The following EPB41L5 variants were observed in gnomAD, a reference collection of about 807,000 sequenced individuals.
EPB41L5 encodes erythrocyte membrane protein band 4.1 like 5, also known as band 4.1-like protein 5.
In EPB41L5, 55 loss-of-function variants were observed where a neutral mutation model predicts 106.6. That is an observed-to-expected ratio of 0.52 (90% confidence interval 0.42 to 0.65). The LOEUF is 0.65. Ranked by LOEUF, EPB41L5 falls within the 30% of genes least tolerant of loss-of-function variation. The probability of loss-of-function intolerance (pLI) is 0.00; values close to 1 mark genes in which losing one functional copy is unlikely to be tolerated. For missense variants in EPB41L5, 871 were observed against 882.1 expected, an observed-to-expected ratio of 0.99 and a Z score of 0.16; for synonymous variants, 297 against 306.7, an observed-to-expected ratio of 0.97 and a Z score of 0.33.
chr2:120,164,092 C>T (rs1468826409), intron 21 of EPB41L5, among the ~76,000 whole-genome samples: 1 of 149,330 alleles, frequency 6.7e-6, no homozygotes, highest in Non-Finnish European at 1.5e-5. Flanking sequence ...ATGCCATTCT[C>T]CTGCCTCAGC....
chr2:120,064,017 T>C (rs879394211), intron 3 of EPB41L5, among the ~76,000 whole-genome samples: 3 of 151,980 alleles, frequency 2.0e-5, no homozygotes, highest in Admixed American at 2.0e-4. Flanking sequence ...GTGGAAGATA[T>C]ATTTTAATGG....
intron 2 of EPB41L5, among the ~76,000 whole-genome samples, chr2:120,022,293 C>T (rs1464017006): frequency 6.6e-6 from 1 of 152,088 alleles, no homozygotes; most frequent in Non-Finnish European, 1.5e-5. Context: ...ATCAACCCGT[C>T]ATCTACATTA....
chr2:120,145,162 C>G (rs1686342857), intron 19 of EPB41L5, among the ~76,000 whole-genome samples: 1 of 152,188 alleles, frequency 6.6e-6, no homozygotes, highest in African/African-American at 2.4e-5. Flanking sequence ...TGTATAAACA[C>G]TTTAAAAGAG....
rs73952011 is a variant in EPB41L5, at chr2:120,073,245, G to A, written c.328+25G>A. ...AGTAAGTGCAGACAAAATTATTTGT[G>A]GGGGGGAAAGGAAATAGAATATATT... On this transcript the variant is annotated intron_variant, in intron 4 of 24. Transcript: ENST00000263713. 1.5e-3 allele frequency: 2,305 copies of A among 1,540,488 alleles called. 26 individuals are homozygous for A. The African/African-American group carries it at 0.027, about 18-fold the overall frequency.
chr2:120,135,034 G>A (rs1685864730), intron 18 of EPB41L5, among the ~76,000 whole-genome samples: 2 of 152,066 alleles, frequency 1.3e-5, no homozygotes, highest in South Asian at 2.1e-4. Flanking sequence ...GCTGTTTTGA[G>A]GAAACTCAGT....
intron 16 of EPB41L5, among the ~76,000 whole-genome samples, chr2:120,118,524 C>G (rs918430984): frequency 1.3e-5 from 2 of 152,072 alleles, no homozygotes; most frequent in Non-Finnish European, 2.9e-5. Flanking sequence ...ACACCCCCGA[C>G]AGGCCCCAGT....
intron 20 of EPB41L5, among the ~76,000 whole-genome samples, chr2:120,160,004 G>A (rs1262125919): frequency 6.6e-6 from 1 of 152,200 alleles, no homozygotes; most frequent in Non-Finnish European, 1.5e-5. Context: ...CGTAAAGTGG[G>A]AGCTAAATGA....
At chr2:120,035,556 G>C (rs1678992193) in intron 2 of EPB41L5, among the ~76,000 whole-genome samples, 1 of 152,198 alleles carries the variant, frequency 6.6e-6, no homozygotes, top group African/African-American at 2.4e-5. Context: ...TGTAGTTCCA[G>C]CTACTCAGGA....
rs966873240 is a variant in EPB41L5 at position 120,178,395 on chromosome 2, G to A, written c.*3488G>A. ...AGGGTCTTTGTGAGCTCCCACTGTT[G>A]TGGGTGTCTCAGCTCTGAGGGTCTT... On this transcript the variant is annotated 3_prime_UTR_variant, in exon 25 of 25. Coordinates refer to ENST00000263713, the MANE Select transcript of EPB41L5 (RefSeq NM_020909.4). The A allele has an allele frequency of 1.3e-5, 2 of 151,760 alleles. No individual in the cohort carries two copies. The highest frequency in any genetic ancestry group is 2.4e-5 in the African/African-American group (1 of 41,152). 9.4% of individuals were successfully genotyped at this position (151,760 alleles called of 1,614,324 possible). A position where few individuals can be genotyped will look rare whatever the true frequency, so the allele number is the denominator to read the frequency against.
At chr2:120,023,560 G>A (rs759032293) in intron 2 of EPB41L5, among the ~76,000 whole-genome samples, 1 of 152,134 alleles carries the variant, frequency 6.6e-6, no homozygotes, top group Non-Finnish European at 1.5e-5. Context: ...TTTGGTACCA[G>A]TACCATGCTG....
At chr2:120,028,110 C>T (rs1351289778) in intron 2 of EPB41L5, among the ~76,000 whole-genome samples, 4 of 152,166 alleles carry the variant, frequency 2.6e-5, no homozygotes, top group South Asian at 4.2e-4. Context: ...GTGATCCACC[C>T]GCCTCGGCCT....
intron 2 of EPB41L5, among the ~76,000 whole-genome samples, chr2:120,037,410 T>G (rs1005195139): frequency 2.6e-5 from 4 of 152,158 alleles, no homozygotes; most frequent in African/African-American, 9.7e-5. Context: ...AAAAACCCAT[T>G]CTAAAATCCA....
At position 120,067,023 on chromosome 2, in the gene EPB41L5, C is replaced by T. The variant is rs148380641; in HGVS notation, c.286-6155C>T. On this transcript the variant is annotated intron_variant, in intron 3 of 24. Coordinates refer to ENST00000263713, the MANE Select transcript of EPB41L5 (RefSeq NM_020909.4). ...GTTCTGTTAATGGAAGGATGCAGAC[C>T]GGAGCTGTTCCTATTCGGCCATCTT... Among the ~76,000 whole-genome samples the T allele has an allele frequency of 8.0e-3, 1,220 of 152,152 alleles. 16 individuals carry two copies. Among genetic ancestry groups the T allele is most frequent in the African/African-American group, 0.028 (1,144 of 41,504 alleles).
intron 5 of EPB41L5, chr2:120,074,440 C>G (rs1486506528): frequency 1.9e-5 from 6 of 317,086 alleles, no homozygotes; most frequent in Non-Finnish European, 5.7e-6. Flanking sequence ...TCACTCTCAA[C>G]TCAGGAATGT....
At chr2:120,125,406 G>C (rs1456153757) in intron 16 of EPB41L5, among the ~76,000 whole-genome samples, 2 of 152,154 alleles carry the variant, frequency 1.3e-5, no homozygotes, top group African/African-American at 4.8e-5. Context: ...ATTGCTAAGG[G>C]AGGCACTTAG....
chr2:120,033,292 G>GTT (rs1281960893), intron 2 of EPB41L5, among the ~76,000 whole-genome samples: 2 of 152,142 alleles, frequency 1.3e-5, no homozygotes, highest in Non-Finnish European at 2.9e-5. Context: ...AAATGGTATA[G>GTT]TTTTTTCTCA....
chr2:120,100,486 A>G (rs1222078023), intron 15 of EPB41L5, among the ~76,000 whole-genome samples, 200 bp downstream of exon 15: 2 of 152,210 alleles, frequency 1.3e-5, no homozygotes, highest in Non-Finnish European at 2.9e-5. Flanking sequence ...CCGGTGCTCT[A>G]TAAAACATTT....
At chr2:120,156,911 G>C (rs929475190) in intron 20 of EPB41L5, among the ~76,000 whole-genome samples, 2 of 152,042 alleles carry the variant, frequency 1.3e-5, no homozygotes, top group Admixed American at 1.3e-4. Flanking sequence ...GATATTCAGG[G>C]CCTGAATTCA....
At chr2:120,071,011 T>G (rs149946253) in intron 3 of EPB41L5, among the ~76,000 whole-genome samples, 378 of 152,182 alleles carry the variant, frequency 2.5e-3, no homozygotes, top group Non-Finnish European at 4.6e-3. Flanking sequence ...GAGAAAGAAA[T>G]AAAGCATATT....
Sources: gnomAD v4.1 joint callset for allele counts (sites outside exome capture counted in the v4.1 genomes callset) on GRCh38, gnomAD v4.1.1 for gene constraint, MANE v1.5 for transcripts, NCBI Gene and HGNC (gene_info 2026-07-23, HGNC 2026-07-21) for gene names.